Variants in GALNT1 observed in about 807,000 individuals in gnomAD.
The protein encoded by GALNT1 is polypeptide N-acetylgalactosaminyltransferase 1.
In GALNT1, 17 loss-of-function variants were observed where a neutral mutation model predicts 65.7. The observed-to-expected ratio is 0.26, with a 90% CI of 0.18 to 0.39. The LOEUF is 0.39. Ranked by LOEUF, GALNT1 falls within the 10% of genes least tolerant of loss-of-function variation. The probability of loss-of-function intolerance (pLI) is 1.00; values close to 1 mark genes in which losing one functional copy is unlikely to be tolerated. For missense variants in GALNT1, 460 were observed against 672.8 expected, an observed-to-expected ratio of 0.68 and a Z score of 3.50; for synonymous variants, 210 against 219.7, an observed-to-expected ratio of 0.96 and a Z score of 0.39.
intron 1 of GALNT1, among the ~76,000 whole-genome samples, chr18:35,628,940 T>C (rs1346355479): frequency 6.6e-6 from 1 of 152,152 alleles, no homozygotes; most frequent in African/African-American, 2.4e-5. Context: ...CAGTAGCTGA[T>C]TCGATCAACT....
intron 1 of GALNT1, among the ~76,000 whole-genome samples, chr18:35,620,021 C>T (rs1459535185): frequency 3.3e-5 from 5 of 152,154 alleles, no homozygotes; most frequent in Non-Finnish European, 7.4e-5. Context: ...GGTTTGGCAG[C>T]ATCGCAAAGG....
chr18:35,655,499 C>CTTTTTTTT (rs567720187), intron 2 of GALNT1, among the ~76,000 whole-genome samples: 1 of 124,698 alleles, frequency 8.0e-6, no homozygotes, highest in Non-Finnish European at 1.7e-5. Flanking sequence ...TTAAAAAATT[C>CTTTTTTTT]TTTTTTTTTT....
intron 1 of GALNT1, among the ~76,000 whole-genome samples, chr18:35,613,592 T>C (rs886491852): frequency 1.3e-5 from 2 of 152,048 alleles, no homozygotes; most frequent in South Asian, 2.1e-4. Flanking sequence ...AGGGTGGCCA[T>C]AGGGTACCAG....
chr18:35,705,667 A>T lies in GALNT1; in HGVS notation c.1533+2024A>T, dbSNP rs1598813978. ...GCCATTGTGACAACCACAAAATTTTAAAAATGAAAAACCTCTTAAGTTTAT... is the reference window on the plus strand; with the variant it reads ...GCCATTGTGACAACCACAAAATTTTTAAAATGAAAAACCTCTTAAGTTTAT... On this transcript the variant is annotated intron_variant, in intron 11 of 11. Coordinates refer to ENST00000269195, the MANE Select transcript of GALNT1 (RefSeq NM_020474.4). Among the ~76,000 whole-genome samples, 3 of 128,442 alleles carry T rather than the reference A, an allele frequency of 2.3e-5. No homozygotes were observed. The South Asian group carries it at 7.2e-4, about 31-fold the overall frequency. 84.3% of individuals were successfully genotyped at this position (128,442 alleles called of 152,430 possible). A position where few individuals can be genotyped will look rare whatever the true frequency, so the allele number is the denominator to read the frequency against.
At chr18:35,631,711 A>G (rs957129035) in intron 1 of GALNT1, among the ~76,000 whole-genome samples, 10 of 152,146 alleles carry the variant, frequency 6.6e-5, no homozygotes, top group Admixed American at 3.9e-4. Flanking sequence ...GGCCAGGGCA[A>G]TCAGGCAGGA....
At chr18:35,658,197 A>T (rs1333875982) in intron 2 of GALNT1, among the ~76,000 whole-genome samples, 1 of 152,218 alleles carries the variant, frequency 6.6e-6, no homozygotes, top group African/African-American at 2.4e-5. Flanking sequence ...TCCCAGAAAC[A>T]GTTGTGAGGT....
At chr18:35,687,476 TTAATTCAGTTATTAAGGA>T (rs2047886634) in intron 6 of GALNT1, among the ~76,000 whole-genome samples, 1 of 152,212 alleles carries the variant, frequency 6.6e-6, no homozygotes, top group Non-Finnish European at 1.5e-5. Flanking sequence ...GATCTGTACT[TTAATTCAGTTATTAAGGA>T]TAATAATACT....
At chr18:35,594,561 A>G (rs1383230088) in intron 1 of GALNT1, among the ~76,000 whole-genome samples, 1 of 152,230 alleles carries the variant, frequency 6.6e-6, no homozygotes, top group African/African-American at 2.4e-5. Context: ...TGAAGCAGAA[A>G]AAGTGAAGAG....
At chr18:35,662,143 G>A (rs1362828408) in intron 2 of GALNT1, among the ~76,000 whole-genome samples, 2 of 149,812 alleles carry the variant, frequency 1.3e-5, no homozygotes, top group Non-Finnish European at 3.0e-5. Flanking sequence ...GATTTTATAT[G>A]GAGTATTACA....
At chr18:35,664,062 C>A in intron 3 of GALNT1, 1 of 401,888 alleles carries the variant, frequency 2.5e-6, no homozygotes, top group South Asian at 2.8e-5. Flanking sequence ...TTTATTATTA[C>A]CAAAATACTC....
chr18:35,606,821 TTGTGTGTGTGTGTGTGTG>T (rs10526510), intron 1 of GALNT1, among the ~76,000 whole-genome samples: 23 of 135,676 alleles, frequency 1.7e-4, no homozygotes, highest in Middle Eastern at 7.5e-3. Flanking sequence ...TGTTGATGTT[TTGTGTGTGTGTGTGTGTG>T]TGTGTGTGTG....
chr18:35,627,925 C>T (rs551749619), intron 1 of GALNT1, among the ~76,000 whole-genome samples: 2 of 151,406 alleles, frequency 1.3e-5, no homozygotes, highest in African/African-American at 4.8e-5. Flanking sequence ...GATTATATCC[C>T]GTGCCTGGCT....
chr18:35,585,972 G>A (rs2046373855), intron 1 of GALNT1, among the ~76,000 whole-genome samples: 1 of 152,172 alleles, frequency 6.6e-6, no homozygotes, highest in Admixed American at 6.5e-5. Context: ...TTATTTCTCT[G>A]GGATATATGC....
intron 3 of GALNT1, among the ~76,000 whole-genome samples, chr18:35,674,403 CG>C: frequency 6.6e-6 from 1 of 152,220 alleles, no homozygotes; most frequent in South Asian, 2.1e-4. Flanking sequence ...TGAAGCTCAG[CG>C]GGGTGAATGC....
At chr18:35,617,582 A>G (rs1389580175) in intron 1 of GALNT1, among the ~76,000 whole-genome samples, 1 of 152,142 alleles carries the variant, frequency 6.6e-6, no homozygotes, top group Non-Finnish European at 1.5e-5. Flanking sequence ...CCACCTCTCA[A>G]TCTAACCTCA....
intron 1 of GALNT1, among the ~76,000 whole-genome samples, chr18:35,643,282 G>A (rs943879918): frequency 7.9e-5 from 12 of 152,110 alleles, no homozygotes. Context: ...CTGAGACATG[G>A]CCGAGGTGGG....
chr18:35,633,048 G>A (rs1414212963), intron 1 of GALNT1, among the ~76,000 whole-genome samples: 11 of 152,148 alleles, frequency 7.2e-5, no homozygotes, highest in South Asian at 2.1e-4. Context: ...GAAACAACAC[G>A]TGCTGGAGAG....
intron 1 of GALNT1, among the ~76,000 whole-genome samples, chr18:35,623,428 G>A (rs2046880483): frequency 6.6e-6 from 1 of 151,852 alleles, no homozygotes; most frequent in Non-Finnish European, 1.5e-5. Flanking sequence ...ATCTGCTTAG[G>A]TTTCACTGGA....
chr18:35,707,328 G>T (rs1287248083), intron 11 of GALNT1, among the ~76,000 whole-genome samples: 1 of 152,124 alleles, frequency 6.6e-6, no homozygotes, highest in Non-Finnish European at 1.5e-5. Flanking sequence ...CAAAGGTTAC[G>T]GTTAGATGCT....
Sources: gnomAD v4.1 joint callset for allele counts (sites outside exome capture counted in the v4.1 genomes callset) on GRCh38, gnomAD v4.1.1 for gene constraint, MANE v1.5 for transcripts, NCBI Gene and HGNC (gene_info 2026-07-23, HGNC 2026-07-21) for gene names.